The following CEP112 variants were observed in gnomAD, a reference collection of about 807,000 sequenced individuals.
CEP112 encodes the protein centrosomal protein of 112 kDa.
Under a neutral mutation model 153.0 loss-of-function variants are expected in CEP112, and 127 were observed. That is an observed-to-expected ratio of 0.83 (90% CI 0.72 to 0.96). The LOEUF is 0.96. Among genes scored for constraint, CEP112 ranks in the 40% least tolerant of loss-of-function variants. The probability of loss-of-function intolerance (pLI) is 0.00; values close to 1 mark genes in which losing one functional copy is unlikely to be tolerated. For missense variants in CEP112, 1,089 were observed against 1,101.2 expected (o/e 0.99, Z 0.16); for synonymous variants, 358 against 374.4 (o/e 0.96, Z 0.51).
intron 4 of CEP112, among the ~76,000 whole-genome samples, chr17:66,159,539 G>A (rs1169492779): frequency 6.6e-6 from 1 of 152,136 alleles, no homozygotes; most frequent in Non-Finnish European, 1.5e-5. Context: ...TGCAAGGCTG[G>A]TTCAACATAT....
chr17:65,781,581 T>A (rs1325368106), intron 21 of CEP112, among the ~76,000 whole-genome samples: 1 of 151,624 alleles, frequency 6.6e-6, no homozygotes, highest in East Asian at 1.9e-4. Flanking sequence ...GCTGGAGGGA[T>A]CACATTACCT....
intron 20 of CEP112, among the ~76,000 whole-genome samples, chr17:65,898,073 T>C (rs2059718446): frequency 6.6e-6 from 1 of 152,174 alleles, no homozygotes; most frequent in African/African-American, 2.4e-5. Flanking sequence ...GTGGTGAATA[T>C]AATTTATTGC....
At chr17:66,025,460 A>G (rs934005944) in intron 16 of CEP112, among the ~76,000 whole-genome samples, 2 of 152,150 alleles carry the variant, frequency 1.3e-5, no homozygotes, top group African/African-American at 4.8e-5. Flanking sequence ...TAATAATAAT[A>G]ATTAATAACC....
intron 16 of CEP112, among the ~76,000 whole-genome samples, chr17:66,014,134 A>G (rs1356836407): frequency 6.6e-6 from 1 of 152,220 alleles, no homozygotes; most frequent in East Asian, 1.9e-4. Context: ...ATGTGCCAAT[A>G]TGGCAATAGG....
intron 11 of CEP112, 124 bp from the exon 12 acceptor site, chr17:66,054,003 T>C (rs2066567343): frequency 3.4e-6 from 2 of 579,790 alleles, no homozygotes; most frequent in Non-Finnish European, 5.5e-6. Flanking sequence ...CACCAAAAGA[T>C]ACAAAAAACC....
At chr17:66,161,519 T>C (rs2071705370) in intron 4 of CEP112, among the ~76,000 whole-genome samples, 1 of 151,842 alleles carries the variant, frequency 6.6e-6, no homozygotes, top group South Asian at 2.1e-4. Context: ...AAAGGATGAG[T>C]TCATGTCCTT....
In CEP112 at chr17:65,803,094, G is replaced by A. The variant is rs183183188; in HGVS notation, c.2394+48710C>T. Among the ~76,000 whole-genome samples the A allele has an allele frequency of 5.3e-3, 814 of 152,372 alleles. 9 individuals are homozygous for A. The highest frequency in any genetic ancestry group is 0.019 in the African/African-American group (776 of 41,592). On this transcript the variant is annotated intron_variant, in intron 21 of 26. Transcript: ENST00000535342. Reference sequence around the variant, plus strand: ...TGAGATATCCAGGTACCCTGAAGCTGTCATGTAGACAGACTACATAGAGAT... The same window carrying A: ...TGAGATATCCAGGTACCCTGAAGCTATCATGTAGACAGACTACATAGAGAT...
At chr17:66,010,755 T>C (rs2319112) in intron 16 of CEP112, among the ~76,000 whole-genome samples, 141,006 of 152,242 alleles carry the variant, frequency 0.93, 65,537 homozygotes, top group East Asian at 0.97. Flanking sequence ...TGTGATGAAT[T>C]GCATTTATTG....
At chr17:65,686,345 T>TA (rs1567862609) in intron 24 of CEP112, among the ~76,000 whole-genome samples, 1 of 152,112 alleles carries the variant, frequency 6.6e-6, no homozygotes, top group South Asian at 2.1e-4. Context: ...AAGAAGTCAA[T>TA]AAAAAAAGAC....
intron 2 of CEP112, among the ~76,000 whole-genome samples, chr17:66,177,276 A>G (rs2072523109): frequency 6.6e-6 from 1 of 152,244 alleles, no homozygotes; most frequent in African/African-American, 2.4e-5. Context: ...AAACCTGGCA[A>G]AAAAAGACTG....
intron 17 of CEP112, among the ~76,000 whole-genome samples, chr17:65,977,072 T>G (rs2063064882): frequency 6.6e-6 from 1 of 152,128 alleles, no homozygotes; most frequent in African/African-American, 2.4e-5. Context: ...GCCTTTTAAC[T>G]CATGGTAACC....
At chr17:66,077,309 C>T (rs2067539481) in intron 8 of CEP112, among the ~76,000 whole-genome samples, 1 of 151,928 alleles carries the variant, frequency 6.6e-6, no homozygotes, top group Non-Finnish European at 1.5e-5. Flanking sequence ...AAAAACGATA[C>T]AAGAAGTGAA....
At chr17:65,971,422 T>C (rs1181644763) in intron 17 of CEP112, among the ~76,000 whole-genome samples, 2 of 47,598 alleles carry the variant, frequency 4.2e-5, no homozygotes, top group East Asian at 7.5e-3. Flanking sequence ...TGCAGCATGC[T>C]GCATGCATGT....
At chr17:65,830,030 C>T (rs1004477140) in intron 21 of CEP112, among the ~76,000 whole-genome samples, 2 of 152,024 alleles carry the variant, frequency 1.3e-5, no homozygotes, top group African/African-American at 4.8e-5. Context: ...TATATTTTTT[C>T]ATTTTATTAA....
intron 23 of CEP112, among the ~76,000 whole-genome samples, chr17:65,728,049 G>T (rs1381430104): frequency 6.6e-6 from 1 of 152,202 alleles, no homozygotes; most frequent in Non-Finnish European, 1.5e-5. Flanking sequence ...TTGGAACATA[G>T]CCATGCCCAT....
chr17:65,820,557 T>C (rs1432349780), intron 21 of CEP112, among the ~76,000 whole-genome samples: 1 of 152,154 alleles, frequency 6.6e-6, no homozygotes, highest in Non-Finnish European at 1.5e-5. Context: ...TAAGTTCACA[T>C]CATCCATTTT....
intron 23 of CEP112, among the ~76,000 whole-genome samples, chr17:65,703,909 G>A (rs1305927723): frequency 6.6e-6 from 1 of 151,668 alleles, no homozygotes; most frequent in African/African-American, 2.4e-5. Flanking sequence ...GAGCCAAAAC[G>A]ACAGGGTATT....
intron 20 of CEP112, among the ~76,000 whole-genome samples, chr17:65,876,292 T>C (rs1320341650): frequency 6.6e-6 from 1 of 152,250 alleles, no homozygotes; most frequent in East Asian, 1.9e-4. Context: ...AATCCTTGCA[T>C]GCTTGTAACG....
chr17:66,188,729 T>C (rs879571367), intron 1 of CEP112, among the ~76,000 whole-genome samples: 19 of 152,216 alleles, frequency 1.2e-4, no homozygotes, highest in Non-Finnish European at 2.6e-4. Context: ...TTTTGTTTGG[T>C]TGGTTTTGTT....
Sources: allele counts gnomAD v4.1 joint callset (sites outside exome capture counted in the v4.1 genomes callset), GRCh38; gene constraint gnomAD v4.1.1; transcripts MANE v1.5; gene names NCBI Gene and HGNC (gene_info 2026-07-23, HGNC 2026-07-21).